The following TMEM132D variants were observed in gnomAD, a reference collection of about 807,000 sequenced individuals.
TMEM132D encodes the protein transmembrane protein 132D, also known as mature OL transmembrane protein.
Under a neutral mutation model 62.3 loss-of-function variants are expected in TMEM132D, and 21 were observed. The observed-to-expected ratio is 0.34, with a 90% confidence interval of 0.24 to 0.49. The LOEUF (loss-of-function observed/expected upper bound fraction) is 0.49. TMEM132D is among the 20% of genes least tolerant of loss of function. The probability of loss-of-function intolerance (pLI) is 0.99; values close to 1 mark genes in which losing one functional copy is unlikely to be tolerated. For synonymous variants in TMEM132D, 621 were observed against 575.6 expected (o/e 1.08, Z -1.13); for missense variants, 1,346 against 1,402.8 (o/e 0.96, Z 0.65).
chr12:129,542,257 T>G (rs527696779), intron 2 of TMEM132D, among the ~76,000 whole-genome samples: 1 of 152,372 alleles, frequency 6.6e-6, no homozygotes, highest in Admixed American at 6.5e-5. Flanking sequence ...CTAATTTTAC[T>G]GTCTGTTAAG....
chr12:129,075,148 C>T (rs1208888997), intron 8 of TMEM132D, 89 bp from the exon 9 acceptor site: 7 of 1,028,832 alleles, frequency 6.8e-6, no homozygotes, highest in Non-Finnish European at 9.8e-6. Flanking sequence ...AACGGCAAAA[C>T]TATTGCTACA....
At chr12:129,751,822 T>C (rs926361131) in intron 1 of TMEM132D, among the ~76,000 whole-genome samples, 2 of 152,172 alleles carry the variant, frequency 1.3e-5, no homozygotes, top group African/African-American at 4.8e-5. Context: ...TAGGAGAGTT[T>C]AAAGGCATTT....
intron 4 of TMEM132D, among the ~76,000 whole-genome samples, chr12:129,241,810 A>G (rs1879945569): frequency 6.6e-6 from 1 of 152,246 alleles, no homozygotes; most frequent in Non-Finnish European, 1.5e-5. Context: ...ACAAAACAGT[A>G]GTCTTCAGTT....
chr12:129,448,940 G>T (rs1873186705), intron 3 of TMEM132D, among the ~76,000 whole-genome samples: 1 of 152,202 alleles, frequency 6.6e-6, no homozygotes, highest in African/African-American at 2.4e-5. Flanking sequence ...AAAGTAGTGA[G>T]ACATAGTAGG....
At chr12:129,580,359 G>T (rs1430235881) in intron 2 of TMEM132D, among the ~76,000 whole-genome samples, 6 of 152,162 alleles carry the variant, frequency 3.9e-5, no homozygotes, top group African/African-American at 1.4e-4. Flanking sequence ...TTGAAATCGA[G>T]AGAACTTGAA....
intron 5 of TMEM132D, among the ~76,000 whole-genome samples, chr12:129,144,677 C>T (rs1402456849): frequency 8.2e-6 from 1 of 122,430 alleles, no homozygotes; most frequent in Non-Finnish European, 1.7e-5. Flanking sequence ...ATCTATTGAG[C>T]TTATCTATCA....
At chr12:129,778,188 GAA>G (rs56064837) in intron 1 of TMEM132D, among the ~76,000 whole-genome samples, 8 of 144,970 alleles carry the variant, frequency 5.5e-5, no homozygotes, top group East Asian at 2.0e-4. Flanking sequence ...GAAGGAATCA[GAA>G]AAAAAAAACA....
intron 2 of TMEM132D, among the ~76,000 whole-genome samples, chr12:129,598,742 T>C (rs761308929): frequency 6.6e-6 from 1 of 152,146 alleles, no homozygotes; most frequent in Non-Finnish European, 1.5e-5. Flanking sequence ...TTTGTAAAGA[T>C]CTATGTTTTG....
intron 5 of TMEM132D, among the ~76,000 whole-genome samples, chr12:129,090,778 T>C (rs533020013): frequency 6.6e-6 from 1 of 152,228 alleles, no homozygotes; most frequent in Non-Finnish European, 1.5e-5. Context: ...CTAGCATCGC[T>C]TGAGAATTCA....
intron 1 of TMEM132D, among the ~76,000 whole-genome samples, chr12:129,814,488 G>A (rs1484115845): frequency 6.6e-6 from 1 of 151,200 alleles, no homozygotes; most frequent in South Asian, 2.1e-4. Flanking sequence ...GTGAGCACCT[G>A]TAATCCCAGC....
chr12:129,402,471 C>A (rs561717195), intron 3 of TMEM132D, among the ~76,000 whole-genome samples: 2 of 152,158 alleles, frequency 1.3e-5, no homozygotes, highest in Non-Finnish European at 2.9e-5. Context: ...GCACTGTACA[C>A]GGGTCTGTGA....
chr12:129,235,711 G>A (rs1465634017), intron 4 of TMEM132D, among the ~76,000 whole-genome samples: 1 of 152,122 alleles, frequency 6.6e-6, no homozygotes, highest in Non-Finnish European at 1.5e-5. Flanking sequence ...CTTTTTGAAG[G>A]TGGAATTGCT....
chr12:129,218,043 G>C (rs1262763686), intron 4 of TMEM132D, among the ~76,000 whole-genome samples: 1 of 152,122 alleles, frequency 6.6e-6, no homozygotes, highest in Non-Finnish European at 1.5e-5. Context: ...TACACTCAAA[G>C]GGAGTGAGGC....
chr12:129,349,154 A>T (rs947861170), intron 3 of TMEM132D, among the ~76,000 whole-genome samples: 4 of 152,244 alleles, frequency 2.6e-5, no homozygotes, highest in Admixed American at 2.0e-4. Flanking sequence ...TTTTGAAATT[A>T]TAAGGCAGAC....
At chr12:129,798,991 C>T (rs951003121) in intron 1 of TMEM132D, among the ~76,000 whole-genome samples, 27 of 152,298 alleles carry the variant, frequency 1.8e-4, no homozygotes, top group African/African-American at 4.8e-4. Flanking sequence ...GTCGGCCGGA[C>T]GCAGTGGCTC....
At chr12:129,527,335 C>T (rs1456014931) in intron 3 of TMEM132D, among the ~76,000 whole-genome samples, 1 of 152,072 alleles carries the variant, frequency 6.6e-6, no homozygotes, top group African/African-American at 2.4e-5. Context: ...TGAAACAAAA[C>T]ATTCGTTTTA....
intron 1 of TMEM132D, among the ~76,000 whole-genome samples, chr12:129,704,683 G>C (rs928790424): frequency 6.6e-5 from 10 of 151,968 alleles, no homozygotes; most frequent in Non-Finnish European, 8.8e-5. Flanking sequence ...CAGGGATGCC[G>C]GGTCATATGG....
intron 3 of TMEM132D, among the ~76,000 whole-genome samples, chr12:129,416,907 TG>T (rs1238806141): frequency 6.6e-6 from 1 of 152,202 alleles, no homozygotes; most frequent in Non-Finnish European, 1.5e-5. Context: ...TTGGTCATGG[TG>T]GATAAGCTGT....
At chr12:129,541,773 A>T (rs1231932526) in intron 2 of TMEM132D, among the ~76,000 whole-genome samples, 1 of 152,180 alleles carries the variant, frequency 6.6e-6, no homozygotes, top group Non-Finnish European at 1.5e-5. Context: ...ATGAACCCTA[A>T]GCCATGTCGA....
Sources: allele counts gnomAD v4.1 joint callset (sites outside exome capture counted in the v4.1 genomes callset), GRCh38; gene constraint gnomAD v4.1.1; transcripts MANE v1.5; gene names NCBI Gene and HGNC (gene_info 2026-07-23, HGNC 2026-07-21).